BCL2L14: variants seen among roughly 807,000 people sequenced by gnomAD.
The protein encoded by BCL2L14 is BCL2 like 14, also known as apoptosis facilitator Bcl-2-like protein 14.
Under a neutral mutation model 35.3 loss-of-function variants are expected in BCL2L14, and 27 were observed. The ratio of observed to expected loss-of-function variants is 0.76; its 90% CI spans 0.56 to 1.05. BCL2L14 has a LOEUF of 1.05. BCL2L14 is among the 50% of genes least tolerant of loss of function. The pLI, the probability that BCL2L14 is intolerant of heterozygous loss-of-function variation, is 0.00. For missense variants in BCL2L14, 377 were observed against 382.6 expected, an observed-to-expected ratio of 0.99 and a Z score of 0.12; for synonymous variants, 139 against 145.9, an observed-to-expected ratio of 0.95 and a Z score of 0.34.
chr12:12,095,576 C>T (rs776539387), intron 5 of BCL2L14: 8 of 985,376 alleles, frequency 8.1e-6, no homozygotes, highest in Non-Finnish European at 9.6e-6. Context: ...ACATAAGGTC[C>T]ACCGTGTCAA....
chr12:12,086,685 G>A (rs999109394), intron 2 of BCL2L14, among the ~76,000 whole-genome samples: 1 of 152,228 alleles, frequency 6.6e-6, no homozygotes, highest in Admixed American at 6.5e-5. Context: ...TACCAGCAAC[G>A]GGAGTTAGGT....
rs2136792503 is a variant in BCL2L14, at chr12:12,099,235, A to G, written c.*247A>G. ...CCATTGAGAACCTGAGGAAATCTGT[A>G]AAGATAAGTGGTGATGTTGTTTCAA... On this transcript the variant is annotated 3_prime_UTR_variant, in exon 6 of 6. Coordinates refer to ENST00000308721, the MANE Select transcript of BCL2L14 (RefSeq NM_138723.2). 2.0e-6 allele frequency: 1 copy of G among 509,400 alleles called. No individual in the cohort carries two copies. Among genetic ancestry groups the G allele is most frequent in the Non-Finnish European group, 3.5e-6 (1 of 283,192 alleles). The allele number at this position is 509,400 out of a possible 1,614,324, so 31.6% of individuals were successfully genotyped here. A position where few individuals can be genotyped will look rare whatever the true frequency, so the allele number is the denominator to read the frequency against.
chr12:12,053,128 G>A (rs1208984036), intron 2 of BCL2L14, among the ~76,000 whole-genome samples: 1 of 152,126 alleles, frequency 6.6e-6, no homozygotes, highest in Non-Finnish European at 1.5e-5. Flanking sequence ...AAACACCTTT[G>A]GAAACACCTT....
intron 5 of BCL2L14, among the ~76,000 whole-genome samples, chr12:12,096,538 T>C (rs1949316795): frequency 1.3e-5 from 2 of 150,974 alleles, no homozygotes; most frequent in South Asian, 4.2e-4. Context: ...AATTGAACAA[T>C]AAAATGTCAA....
intron 2 of BCL2L14, among the ~76,000 whole-genome samples, chr12:12,083,210 C>T (rs1769043083): frequency 6.6e-6 from 1 of 152,072 alleles, no homozygotes; most frequent in African/African-American, 2.4e-5. Context: ...GTGATCTGTC[C>T]GCCTCAGCCT....
intron 4 of BCL2L14, among the ~76,000 whole-genome samples, chr12:12,094,006 C>A (rs1257733088): frequency 6.6e-6 from 1 of 150,838 alleles, no homozygotes; most frequent in Non-Finnish European, 1.5e-5. Context: ...ACTTGGGAGG[C>A]TGAGGCAAGA....
At chr12:12,084,068 C>A (rs868506902) in intron 2 of BCL2L14, among the ~76,000 whole-genome samples, 16 of 152,180 alleles carry the variant, frequency 1.1e-4, no homozygotes, top group Admixed American at 1.3e-4. Context: ...AAAAAGGAAG[C>A]AAAGGAAGGG....
intron 4 of BCL2L14, among the ~76,000 whole-genome samples, chr12:12,091,284 C>T (rs922374645): frequency 6.6e-6 from 1 of 152,232 alleles, no homozygotes; most frequent in Non-Finnish European, 1.5e-5. Flanking sequence ...AGTTGCTGGA[C>T]TGTTGCCTGT....
intron 1 of BCL2L14, among the ~76,000 whole-genome samples, chr12:12,077,273 A>G (rs1413989734): frequency 6.6e-6 from 1 of 152,160 alleles, no homozygotes; most frequent in Non-Finnish European, 1.5e-5. Flanking sequence ...CGGGCATGGT[A>G]GCTCATGGCT....
At chr12:12,069,665 A>G (rs1007643473), upstream of BCL2L14, among the ~76,000 whole-genome samples, 38 of 149,524 alleles carry the variant, frequency 2.5e-4, 1 homozygote, top group Admixed American at 2.1e-3. Context: ...CCAAGATCGC[A>G]CCACTGCACT....
At chr12:12,094,163 C>T in intron 4 of BCL2L14, among the ~76,000 whole-genome samples, 1 of 151,822 alleles carries the variant, frequency 6.6e-6, no homozygotes, top group Admixed American at 6.6e-5. Context: ...CTATCACCAT[C>T]CTAGTTTAGA....
intron 2 of BCL2L14, among the ~76,000 whole-genome samples, chr12:12,056,772 G>T (rs1261789188): frequency 6.6e-6 from 1 of 152,304 alleles, no homozygotes. Flanking sequence ...GGCCTCGGAG[G>T]TTGCAGTGAG....
chr12:12,094,907 T>C lies in BCL2L14; in HGVS notation c.922T>C (p.Trp308Arg). 2 of 1,613,820 alleles carry C rather than the reference T, an allele frequency of 1.2e-6. No homozygotes were observed. Among genetic ancestry groups the C allele is most frequent in the African/African-American group, 1.3e-5 (1 of 75,006 alleles). ...TKYLKENFSPWIQQHGGWEKI... is the reference protein window; with the variant it reads ...TKYLKENFSPRIQQHGGWEKI... ...GTACCTGAAAGAGAACTTCTCGCCA[T>C]GGATCCAGCAGCACGGTGGATGGGT... Residue 308 changes from tryptophan (W) to arginine (R), a missense_variant, in exon 5 of 6, where the codon TGG becomes CGG. Trp to Arg is a moderately radical substitution (Grantham distance 101, BLOSUM62 -3). Coordinates refer to ENST00000308721, the MANE Select transcript of BCL2L14 (RefSeq NM_138723.2).
intron 1 of BCL2L14, among the ~76,000 whole-genome samples, chr12:12,078,799 G>GTTGTTTT (rs60939713): frequency 0.11 from 16,265 of 152,118 alleles, 1,996 homozygotes; most frequent in African/African-American, 0.3. Flanking sequence ...TTCTCTCTCT[G>GTTGTTTT]TTGTTTTTTG....
intron 5 of BCL2L14, chr12:12,095,763 T>A: frequency 1.0e-6 from 1 of 985,328 alleles, no homozygotes; most frequent in African/African-American, 1.7e-5. Context: ...ACAGCCTTGG[T>A]CTCTTTGCTG....
At chr12:12,062,668 C>T (rs952210579) in intron 2 of BCL2L14, among the ~76,000 whole-genome samples, 3 of 152,116 alleles carry the variant, frequency 2.0e-5, no homozygotes, top group Admixed American at 1.3e-4. Context: ...TAGGTAGACA[C>T]TTTCACTAGA....
At chr12:12,094,374 T>C in intron 4 of BCL2L14, 1 of 767,302 alleles carries the variant, frequency 1.3e-6, no homozygotes, top group Admixed American at 2.1e-5. Context: ...ATCTCAGTCA[T>C]CCATACTACC....
intron 2 of BCL2L14, among the ~76,000 whole-genome samples, chr12:12,065,451 G>A (rs555215593): frequency 3.3e-5 from 5 of 151,596 alleles, no homozygotes; most frequent in South Asian, 2.1e-4. Flanking sequence ...CAGGAGAATC[G>A]CTTGAACCGG....
intron 1 of BCL2L14, among the ~76,000 whole-genome samples, chr12:12,074,980 CA>C (rs1948747638): frequency 6.7e-6 from 1 of 149,884 alleles, no homozygotes; most frequent in Non-Finnish European, 1.5e-5. Flanking sequence ...CTAAAACATA[CA>C]CTGTACTGTG....
Sources: allele counts gnomAD v4.1 joint callset (sites outside exome capture counted in the v4.1 genomes callset), GRCh38; gene constraint gnomAD v4.1.1; transcripts MANE v1.5; gene names NCBI Gene and HGNC (gene_info 2026-07-23, HGNC 2026-07-21).